The following SUGCT variants were observed in gnomAD, a reference collection of about 807,000 sequenced individuals.
The protein encoded by SUGCT is succinyl-CoA:glutarate-CoA transferase.
In SUGCT, 41 loss-of-function variants were observed where a neutral mutation model predicts 55.0. The ratio of observed to expected loss-of-function variants is 0.74; its 90% CI spans 0.58 to 0.97. SUGCT has a LOEUF of 0.97. Ranked by LOEUF, SUGCT falls within the 50% of genes least tolerant of loss-of-function variation. The probability of loss-of-function intolerance (pLI) is 0.00; values close to 1 mark genes in which losing one functional copy is unlikely to be tolerated. For synonymous variants in SUGCT, 187 were observed against 200.4 expected (o/e 0.93, Z 0.56); for missense variants, 568 against 547.8 (o/e 1.04, Z -0.37).
intron 9 of SUGCT, among the ~76,000 whole-genome samples, chr7:40,342,843 A>G (rs1797124437): frequency 6.6e-6 from 1 of 151,996 alleles, no homozygotes; most frequent in Non-Finnish European, 1.5e-5. Context: ...GGGTTTCACC[A>G]TGTTGGTCAG....
chr7:40,935,709 A>G, the SUGCT span, among the ~76,000 whole-genome samples: 12 of 152,238 alleles, frequency 7.9e-5, no homozygotes, highest in Non-Finnish European at 1.6e-4. Flanking sequence ...ATTTGCAGTC[A>G]TGTAACAAGT....
At chr7:40,660,024 TG>T (rs1801226432) in intron 12 of SUGCT, among the ~76,000 whole-genome samples, 1 of 152,190 alleles carries the variant, frequency 6.6e-6, no homozygotes, top group Non-Finnish European at 1.5e-5. Flanking sequence ...ATAAGACACA[TG>T]ATGGATGTAA....
rs771275549 is a variant in SUGCT at position 40,189,398 on chromosome 7, C to CTTTTTTTTT, written c.313-140_313-132dup. The CTTTTTTTTT allele has an allele frequency of 8.1e-3, 1,172 of 145,400 alleles. 26 individuals are homozygous for CTTTTTTTTT. The highest frequency in any genetic ancestry group is 0.028 in the South Asian group (117 of 4,210). 9.0% of individuals were successfully genotyped at this position (145,400 alleles called of 1,614,324 possible). A position where few individuals can be genotyped will look rare whatever the true frequency, so the allele number is the denominator to read the frequency against. On this transcript the variant is annotated intron_variant, in intron 4 of 13. Coordinates refer to ENST00000335693, the MANE Select transcript of SUGCT (RefSeq NM_001193313.2). ...TTATGATAGTATTTTAATACACATA[C>CTTTTTTTTT]TTTTTTTTTTTTTTACTTTTTATTT...
intron 8 of SUGCT, among the ~76,000 whole-genome samples, chr7:40,309,594 C>T (rs1178605508): frequency 1.3e-5 from 2 of 152,128 alleles, no homozygotes; most frequent in Non-Finnish European, 2.9e-5. Flanking sequence ...TGCACCTGGC[C>T]TAAATCAGCT....
intron 12 of SUGCT, among the ~76,000 whole-genome samples, chr7:40,680,359 A>G (rs1306270365): frequency 6.6e-6 from 1 of 152,212 alleles, no homozygotes; most frequent in Non-Finnish European, 1.5e-5. Flanking sequence ...AATAAATGTT[A>G]GCATCTGAGA....
intron 12 of SUGCT, among the ~76,000 whole-genome samples, chr7:40,634,942 A>T (rs1799954915): frequency 6.6e-6 from 1 of 152,204 alleles, no homozygotes; most frequent in Non-Finnish European, 1.5e-5. Flanking sequence ...AAAGACTCTA[A>T]TTAGGAGAAT....
chr7:40,664,384 A>G (rs1801496408), intron 12 of SUGCT, among the ~76,000 whole-genome samples: 1 of 152,142 alleles, frequency 6.6e-6, no homozygotes, highest in African/African-American at 2.4e-5. Context: ...CAATAAACAG[A>G]ATTTATTGCA....
At chr7:41,003,181 T>G in the SUGCT span, among the ~76,000 whole-genome samples, 1 of 152,162 alleles carries the variant, frequency 6.6e-6, no homozygotes, top group Non-Finnish European at 1.5e-5. Context: ...TTCTGACATC[T>G]AAGTCCTTAG....
chr7:40,810,484 TGTG>T (rs1317474180), intron 13 of SUGCT, among the ~76,000 whole-genome samples: 9 of 152,214 alleles, frequency 5.9e-5, no homozygotes, highest in African/African-American at 2.2e-4. Flanking sequence ...AGTATCTTAT[TGTG>T]GTTTTGATTT....
intron 9 of SUGCT, among the ~76,000 whole-genome samples, chr7:40,332,455 G>C (rs66576814): frequency 7.7e-6 from 1 of 129,344 alleles, no homozygotes; most frequent in Admixed American, 7.8e-5. Context: ...TTTTTTTTTT[G>C]TTTTTTTTTT....
chr7:40,712,560 T>C (rs1329887941), intron 12 of SUGCT, among the ~76,000 whole-genome samples: 1 of 152,238 alleles, frequency 6.6e-6, no homozygotes, highest in African/African-American at 2.4e-5. Context: ...AAAATTTGTC[T>C]TGAGTATGCA....
At chr7:40,473,332 C>T (rs915089898) in intron 11 of SUGCT, among the ~76,000 whole-genome samples, 24 of 152,096 alleles carry the variant, frequency 1.6e-4, no homozygotes, top group African/African-American at 3.4e-4. Context: ...TAGTTGGTTA[C>T]GTCATTTTTA....
rs1464210754 is a variant in SUGCT, at chr7:40,565,983, ACACACACACG to A, written c.1089+69607_1089+69616del. On this transcript the variant is annotated intron_variant, in intron 12 of 13. Transcript: ENST00000335693. ...CCTGGCATATCACACACACACACAC[ACACACACACG>A]CACACACACACACACACACACACAC... Among the ~76,000 whole-genome samples, 499 of 106,780 alleles carry A rather than the reference ACACACACACG, an allele frequency of 4.7e-3. 7 individuals carry two copies. Among genetic ancestry groups the A allele is most frequent in the African/African-American group, 0.022 (472 of 21,804 alleles). 70.1% of individuals were successfully genotyped at this position (106,780 alleles called of 152,430 possible).
intron 12 of SUGCT, among the ~76,000 whole-genome samples, chr7:40,735,019 C>T (rs1787085012): frequency 6.6e-6 from 1 of 152,124 alleles, no homozygotes; most frequent in African/African-American, 2.4e-5. Context: ...CTAGAAAATT[C>T]CTAAGAATGA....
chr7:40,414,994 G>A (rs1167250081), intron 9 of SUGCT, among the ~76,000 whole-genome samples: 1 of 147,614 alleles, frequency 6.8e-6, no homozygotes, highest in African/African-American at 2.5e-5. Context: ...GCACTGAGCC[G>A]AGGTCACGCC....
intron 12 of SUGCT, among the ~76,000 whole-genome samples, chr7:40,695,551 A>G (rs898709846): frequency 6.6e-5 from 10 of 152,284 alleles, no homozygotes; most frequent in Admixed American, 5.9e-4. Context: ...TTCAATCCCT[A>G]GAAATATATT....
At chr7:40,142,614 A>T (rs1375536427) in intron 1 of SUGCT, among the ~76,000 whole-genome samples, 3 of 152,216 alleles carry the variant, frequency 2.0e-5, no homozygotes, top group African/African-American at 7.2e-5. Flanking sequence ...CCACTTACTG[A>T]ACCACTTTTC....
At chr7:40,469,429 A>G (rs533659891) in intron 11 of SUGCT, among the ~76,000 whole-genome samples, 1 of 152,276 alleles carries the variant, frequency 6.6e-6, no homozygotes, top group Non-Finnish European at 1.5e-5. Flanking sequence ...TCCCTTGTAA[A>G]ATGTCTATAT....
chr7:40,904,644 T>C, the SUGCT span, among the ~76,000 whole-genome samples: 1 of 152,242 alleles, frequency 6.6e-6, no homozygotes, highest in African/African-American at 2.4e-5. Flanking sequence ...TGCACAGCAA[T>C]GTGAATGTAC....
Sources: allele counts gnomAD v4.1 joint callset (sites outside exome capture counted in the v4.1 genomes callset), GRCh38; gene constraint gnomAD v4.1.1; transcripts MANE v1.5; gene names NCBI Gene and HGNC (gene_info 2026-07-23, HGNC 2026-07-21).